TMEM132E: variants seen among roughly 807,000 people sequenced by gnomAD.
The protein encoded by TMEM132E is transmembrane protein 132E.
TMEM132E carries 49 observed loss-of-function variants against 78.5 expected under a neutral mutation model. That is an observed-to-expected ratio of 0.62 (90% CI 0.50 to 0.79). The LOEUF (loss-of-function observed/expected upper bound fraction) is 0.79, where lower values mean the gene tolerates loss of function less well. Among genes scored for constraint, TMEM132E ranks in the 30% least tolerant of loss-of-function variants. The pLI is 0.00. For missense variants in TMEM132E, 1,403 were observed against 1,470.9 expected, an observed-to-expected ratio of 0.95 and a Z score of 0.75; for synonymous variants, 715 against 670.6, an observed-to-expected ratio of 1.07 and a Z score of -1.02.
chr17:34,608,766 C>G (rs1008614255), intron 1 of TMEM132E, among the ~76,000 whole-genome samples: 5 of 152,204 alleles, frequency 3.3e-5, no homozygotes, highest in Non-Finnish European at 5.9e-5. Context: ...GACAGGGGAG[C>G]AGGTGGCCTT....
chr17:34,623,958 A>G lies in TMEM132E; in HGVS notation c.68-2169A>G, dbSNP rs568497245. Among the ~76,000 whole-genome samples the G allele has an allele frequency of 8.5e-5, 13 of 152,162 alleles. No individual in the cohort carries two copies. In the East Asian group the frequency reaches 1.5e-3, roughly 18 times the overall value. On this transcript the variant is annotated intron_variant, in intron 1 of 8. Coordinates refer to ENST00000631683, the MANE Select transcript of TMEM132E (RefSeq NM_001304438.2). ...TGCTGCACACCCCCACCCCACCATC[A>G]GCTCCCAGCATTTCTTGCCGGTGAT...
chr17:34,626,542 G>T lies in TMEM132E; in HGVS notation c.483G>T (p.Arg161=). The T allele has an allele frequency of 6.3e-7, 1 of 1,597,218 alleles. No homozygotes were observed. The highest frequency in any genetic ancestry group is 8.5e-7 in the Non-Finnish European group (1 of 1,175,824). Residue 161 remains arginine, a synonymous_variant, in exon 2 of 9, where the codon CGG becomes CGT. Coordinates refer to ENST00000631683, the MANE Select transcript of TMEM132E (RefSeq NM_001304438.2). ...GGGACGACTTCGGCGTCACCGAGCG[G>T]CTGCCCTGTGTCCGCCTGCATGCCT... ...RDWDDFGVTE[R]LPCVRLHAFR... is the part of the protein sequence containing the mutation.
rs762831654 is a variant in TMEM132E at position 34,637,477 on chromosome 17, T to C, written c.2470T>C (p.Tyr824His). Residue 824 changes from tyrosine to histidine, a missense_variant, in exon 9 of 9, where the codon TAC becomes CAC. Around this residue, in one of 3 missense-constraint regions of TMEM132E, gnomAD observed 888 missense variants for 952.8 expected, o/e 0.93. Transcript: ENST00000631683. Reference protein sequence around the residue: ...GRDEEDPTYDYPGPSQPGPGG... With the variant: ...GRDEEDPTYDHPGPSQPGPGG... The stretch of plus-strand genomic sequence containing the variant: ...GGACGAGGAGGACCCCACTTATGAC[T>C]ACCCGGGCCCCAGCCAACCAGGGCC... 3.1e-6 allele frequency: 5 copies of C among 1,611,392 alleles called. No individual in the cohort carries two copies. The Admixed American group carries it at 5.0e-5, about 16-fold the overall frequency.
At chr17:34,635,719 T>G in intron 7 of TMEM132E, 1 of 324,928 alleles carries the variant, frequency 3.1e-6, no homozygotes, top group Non-Finnish European at 5.6e-6. Flanking sequence ...AGGTTGCACA[T>G]CAATTGCTAC....
At chr17:34,587,581 T>C (rs1905721884) in intron 1 of TMEM132E, among the ~76,000 whole-genome samples, 1 of 152,088 alleles carries the variant, frequency 6.6e-6, no homozygotes, top group South Asian at 2.1e-4. Context: ...TCCTGGTCTC[T>C]CCTTCCCTAC....
At chr17:34,600,057 A>G (rs866133376) in intron 1 of TMEM132E, among the ~76,000 whole-genome samples, 28 of 152,342 alleles carry the variant, frequency 1.8e-4, no homozygotes, top group African/African-American at 6.0e-4. Context: ...TGTGGAAGAT[A>G]GGTATGTCCT....
At chr17:34,619,121 A>G (rs539866300) in intron 1 of TMEM132E, among the ~76,000 whole-genome samples, 2 of 152,234 alleles carry the variant, frequency 1.3e-5, no homozygotes, top group African/African-American at 2.4e-5. Flanking sequence ...TGGCCTCTTC[A>G]TCATGGACCA....
intron 1 of TMEM132E, among the ~76,000 whole-genome samples, chr17:34,619,516 T>C (rs1906890789): frequency 6.9e-6 from 1 of 145,444 alleles, no homozygotes. Flanking sequence ...GTAGATTTGA[T>C]AAAAAAGGTG....
At chr17:34,615,119 T>A (rs1906734031) in intron 1 of TMEM132E, among the ~76,000 whole-genome samples, 1 of 147,776 alleles carries the variant, frequency 6.8e-6, no homozygotes, top group Non-Finnish European at 1.5e-5. Flanking sequence ...GCTGTATGCT[T>A]TCAGCAAGTC....
At position 34,603,818 on chromosome 17, in the gene TMEM132E, T is replaced by C. The variant is rs561682355; in HGVS notation, c.68-22309T>C. ...CTGGCCATCTCAGCCATACTCACTG[T>C]CCCAGCTGCAGCTGACCACTCGTCC... On this transcript the variant is annotated intron_variant, in intron 1 of 8. Transcript: ENST00000631683. Among the ~76,000 whole-genome samples, 8 of 152,294 alleles carry C rather than the reference T, an allele frequency of 5.3e-5. 1 individual carries two copies. The highest frequency in any genetic ancestry group is 1.9e-4 in the African/African-American group (8 of 41,560).
chr17:34,582,782 T>C (rs1905538878), intron 1 of TMEM132E, among the ~76,000 whole-genome samples: 2 of 152,154 alleles, frequency 1.3e-5, no homozygotes, highest in South Asian at 2.1e-4. Context: ...CCCTGCCCAG[T>C]AGGAGGAAGC....
chr17:34,598,935 C>T (rs1361539543), intron 1 of TMEM132E, among the ~76,000 whole-genome samples: 1 of 152,192 alleles, frequency 6.6e-6, no homozygotes, highest in South Asian at 2.1e-4. Context: ...TGCTGCAGAC[C>T]CTGGCCCCCA....
intron 5 of TMEM132E, 91 bp from the exon 6 acceptor site, chr17:34,632,613 T>C: frequency 2.1e-6 from 3 of 1,407,516 alleles, no homozygotes; most frequent in Non-Finnish European, 3.0e-6. Flanking sequence ...GGACTTTCCC[T>C]CCAGCCCTGG....
intron 1 of TMEM132E, among the ~76,000 whole-genome samples, chr17:34,617,612 G>C (rs1393566894): frequency 6.6e-6 from 1 of 152,186 alleles, no homozygotes; most frequent in Non-Finnish European, 1.5e-5. Flanking sequence ...TGTGAAATAG[G>C]TTCTAAGCTC....
intron 1 of TMEM132E, among the ~76,000 whole-genome samples, chr17:34,612,824 G>A (rs1380873151): frequency 6.6e-6 from 1 of 152,082 alleles, no homozygotes; most frequent in African/African-American, 2.4e-5. Flanking sequence ...TGTGTGTTTT[G>A]GGGAAGCCTT....
intron 1 of TMEM132E, among the ~76,000 whole-genome samples, chr17:34,601,065 T>C (rs887191503): frequency 6.6e-6 from 1 of 152,178 alleles, no homozygotes; most frequent in Non-Finnish European, 1.5e-5. Context: ...GTGTGAAATT[T>C]GGGCAGCAAC....
In TMEM132E at chr17:34,626,167, G is replaced by A. The variant is rs1907109699; in HGVS notation, c.108G>A (p.Gly36=). Residue 36 remains glycine (G), a synonymous_variant, in exon 2 of 9, where the codon GGG becomes GGA. Transcript: ENST00000631683. ...RSHPASPSPP[G]PQASPVLPVS... is the part of the protein sequence containing the mutation. ...ACCCGGCCAGCCCCAGCCCGCCGGG[G>A]CCGCAGGCCAGCCCGGTGCTGCCAG... 2 of 1,553,952 alleles carry A rather than the reference G, an allele frequency of 1.3e-6. No individual in the cohort carries two copies. Among genetic ancestry groups the A allele is most frequent in the East Asian group, 2.4e-5 (1 of 42,334 alleles).
At position 34,626,228 on chromosome 17, in the gene TMEM132E, T is replaced by C; in HGVS notation, c.169T>C (p.Phe57Leu). The C allele has an allele frequency of 1.9e-6, 3 of 1,589,416 alleles. No individual in the cohort carries two copies. Among genetic ancestry groups the C allele is most frequent in the Non-Finnish European group, 2.6e-6 (3 of 1,168,480 alleles). ...CCTGTCGCACACGCGGCTGGCCTTC[T>C]TCCTGCGGGAGGCGCGGCCCCCGTC... Reference protein sequence around the residue: ...YRLSHTRLAFFLREARPPSPA... With the variant: ...YRLSHTRLAFLLREARPPSPA... The change falls in exon 2 of 9, where the codon TTC becomes CTC. Residue 57 changes from phenylalanine to leucine, a missense_variant. Physicochemically the swap from Phe to Leu is conservative, Grantham distance 22 (BLOSUM62 0). Coordinates refer to ENST00000631683, the MANE Select transcript of TMEM132E (RefSeq NM_001304438.2).
chr17:34,636,141 C>T lies in TMEM132E; in HGVS notation c.2112C>T (p.Ser704=). ...TCTCCCTGCGGCCCAGCCCTGGGAG[C>T]AGCCACACCATCCTAGCCACCACAG... ...LALSLRPSPG[S]SHTILATTAA... is the part of the protein sequence containing the mutation. The change falls in exon 8 of 9, where the codon AGC becomes AGT. Residue 704 remains serine, a synonymous_variant. Coordinates refer to ENST00000631683, the MANE Select transcript of TMEM132E (RefSeq NM_001304438.2). 8 of 1,584,980 alleles carry T rather than the reference C, an allele frequency of 5.0e-6. No homozygotes were observed. Among genetic ancestry groups the T allele is most frequent in the Non-Finnish European group, 6.9e-6 (8 of 1,167,062 alleles).
Sources: allele counts gnomAD v4.1 joint callset (sites outside exome capture counted in the v4.1 genomes callset), GRCh38; gene constraint gnomAD v4.1.1; regional missense constraint gnomAD v4.1.1; transcripts MANE v1.5; gene names NCBI Gene and HGNC (gene_info 2026-07-23, HGNC 2026-07-21).